CNTNAP2: variants seen among roughly 807,000 people sequenced by gnomAD.
CNTNAP2 encodes the protein contactin associated protein 2.
A neutral mutation model predicts 155.2 loss-of-function variants in CNTNAP2; 98 were observed. The observed-to-expected ratio is 0.63, with a 90% CI of 0.54 to 0.75. The LOEUF (loss-of-function observed/expected upper bound fraction) is 0.75, where lower values mean the gene tolerates loss of function less well. Among genes scored for constraint, CNTNAP2 ranks in the 30% least tolerant of loss-of-function variants. The pLI is 0.00. For synonymous variants in CNTNAP2, 651 were observed against 631.2 expected (o/e 1.03, Z -0.47); for missense variants, 1,727 against 1,688.1 (o/e 1.02, Z -0.40).
At chr7:146,173,789 T>C (rs991499662) in intron 1 of CNTNAP2, among the ~76,000 whole-genome samples, 14 of 152,202 alleles carry the variant, frequency 9.2e-5, no homozygotes, top group African/African-American at 3.1e-4. Flanking sequence ...CATGTGTTAG[T>C]TGAAAACAGA....
intron 4 of CNTNAP2, among the ~76,000 whole-genome samples, chr7:147,051,314 C>A (rs1799470177): frequency 1.3e-5 from 2 of 151,586 alleles, no homozygotes; most frequent in Admixed American, 1.3e-4. Context: ...AATTTTGTAT[C>A]ATACAGAAGC....
intron 8 of CNTNAP2, among the ~76,000 whole-genome samples, chr7:147,265,652 G>A (rs1448809216): frequency 1.3e-5 from 2 of 152,140 alleles, no homozygotes; most frequent in Admixed American, 1.3e-4. Context: ...CTCCACCAAA[G>A]GACAGTCAAA....
At chr7:146,616,260 A>G (rs926149625) in intron 1 of CNTNAP2, among the ~76,000 whole-genome samples, 2 of 152,208 alleles carry the variant, frequency 1.3e-5, no homozygotes, top group African/African-American at 4.8e-5. Context: ...GGTGAGGGGA[A>G]CATTTTCCAG....
intron 1 of CNTNAP2, among the ~76,000 whole-genome samples, chr7:146,547,551 G>A (rs1213493461): frequency 6.6e-6 from 1 of 151,784 alleles, no homozygotes; most frequent in Admixed American, 6.6e-5. Flanking sequence ...GCTATTTTAG[G>A]TACCTCCTCC....
intron 1 of CNTNAP2, among the ~76,000 whole-genome samples, chr7:146,627,721 AGTT>A (rs1799443411): frequency 6.6e-6 from 1 of 152,160 alleles, no homozygotes; most frequent in Admixed American, 6.6e-5. Context: ...TTTGAATTAC[AGTT>A]ATAATATTCT....
chr7:147,135,295 T>C (rs1185518806), intron 8 of CNTNAP2, among the ~76,000 whole-genome samples: 1 of 151,800 alleles, frequency 6.6e-6, no homozygotes, highest in Admixed American at 6.6e-5. Flanking sequence ...GAGTGGATTA[T>C]CTTACCATGA....
At chr7:147,267,817 A>G (rs189803931) in intron 8 of CNTNAP2, among the ~76,000 whole-genome samples, 67 of 152,356 alleles carry the variant, frequency 4.4e-4, no homozygotes, top group African/African-American at 1.4e-3. Flanking sequence ...AGAGAGGATC[A>G]GTGACTTTCA....
chr7:147,488,834 T>A (rs766191476), intron 11 of CNTNAP2, among the ~76,000 whole-genome samples: 1 of 152,148 alleles, frequency 6.6e-6, no homozygotes, highest in African/African-American at 2.4e-5. Context: ...TATTTGAGCT[T>A]CAGTTTTCTC....
intron 1 of CNTNAP2, among the ~76,000 whole-genome samples, chr7:146,743,977 A>C (rs1206330162): frequency 2.0e-5 from 3 of 152,144 alleles, no homozygotes; most frequent in Non-Finnish European, 4.4e-5. Flanking sequence ...AATGGCTCCC[A>C]GCACTTTGGG....
rs1797634567 is a variant in CNTNAP2 at position 146,522,847 on chromosome 7, T to C, written c.98-251424T>C. 2.0e-5 allele frequency among the ~76,000 whole-genome samples: 3 copies of C among 151,384 alleles called. No homozygotes were observed. In the South Asian group the frequency reaches 6.2e-4, roughly 31 times the overall value. ...TTTTTCTTATCTCTGGTAAAATATC[T>C]GCTCTTTATGTTATCTCAAGTCAAA... is the stretch of plus-strand genomic sequence containing the variant. On this transcript the variant is annotated intron_variant, in intron 1 of 23. Transcript: ENST00000361727.
At chr7:146,357,258 G>A (rs12703801) in intron 1 of CNTNAP2, among the ~76,000 whole-genome samples, 45,555 of 144,774 alleles carry the variant, frequency 0.31, 7,397 homozygotes, top group Admixed American at 0.44. Flanking sequence ...AAAAGAGGTC[G>A]AAACAAAATA....
intron 1 of CNTNAP2, among the ~76,000 whole-genome samples, chr7:146,750,800 C>T (rs1030522140): frequency 6.6e-6 from 1 of 151,976 alleles, no homozygotes; most frequent in Non-Finnish European, 1.5e-5. Flanking sequence ...ATATGGCTTA[C>T]TAAATATATA....
At chr7:148,321,964 C>T (rs80009841) in intron 21 of CNTNAP2, among the ~76,000 whole-genome samples, 2,477 of 150,198 alleles carry the variant, frequency 0.016, 58 homozygotes, top group African/African-American at 0.057. Flanking sequence ...AGTGCAATGG[C>T]GTGATCTCAG....
intron 3 of CNTNAP2, among the ~76,000 whole-genome samples, chr7:146,892,779 G>GA (rs901108433): frequency 2.6e-5 from 4 of 151,944 alleles, no homozygotes; most frequent in Admixed American, 2.6e-4. Context: ...CTATCTCAAA[G>GA]AAAAAAATTA....
At chr7:147,746,357 C>T (rs868781918) in intron 13 of CNTNAP2, among the ~76,000 whole-genome samples, 4 of 152,150 alleles carry the variant, frequency 2.6e-5, no homozygotes, top group African/African-American at 7.2e-5. Context: ...CTTTCTTGTG[C>T]CCCTTCTAGT....
chr7:147,926,000 A>AT (rs1297934546), intron 14 of CNTNAP2, among the ~76,000 whole-genome samples: 1 of 152,210 alleles, frequency 6.6e-6, no homozygotes, highest in Non-Finnish European at 1.5e-5. Context: ...TATTTTAGTG[A>AT]TAAAAAATGT....
At chr7:146,350,679 T>G (rs374167501) in intron 1 of CNTNAP2, among the ~76,000 whole-genome samples, 8 of 152,102 alleles carry the variant, frequency 5.3e-5, no homozygotes, top group African/African-American at 9.6e-5. Flanking sequence ...CCATTACTGG[T>G]TATATACCCA....
intron 8 of CNTNAP2, among the ~76,000 whole-genome samples, chr7:147,150,787 G>A (rs141002877): frequency 2.0e-5 from 3 of 152,102 alleles, no homozygotes; most frequent in Non-Finnish European, 2.9e-5. Context: ...AGAACAAGAC[G>A]ACAACAGAGT....
intron 12 of CNTNAP2, among the ~76,000 whole-genome samples, chr7:147,586,754 T>C (rs1413431576): frequency 6.6e-6 from 1 of 152,112 alleles, no homozygotes; most frequent in African/African-American, 2.4e-5. Flanking sequence ...AGGGCTGAAA[T>C]CAGTTCCTGT....
Sources: gnomAD v4.1 joint callset for allele counts (sites outside exome capture counted in the v4.1 genomes callset) on GRCh38, gnomAD v4.1.1 for gene constraint, MANE v1.5 for transcripts, NCBI Gene and HGNC (gene_info 2026-07-23, HGNC 2026-07-21) for gene names.